Variants in RAD51B observed in about 807,000 individuals in gnomAD.
The protein encoded by RAD51B is RAD51 paralog B.
In RAD51B, 38 loss-of-function variants were observed where a neutral mutation model predicts 42.2. The observed-to-expected ratio is 0.90, with a 90% CI of 0.70 to 1.18. RAD51B has a LOEUF of 1.18. Ranked by LOEUF, RAD51B falls within the 50% of genes most tolerant of loss-of-function variation. The pLI is 0.00. For missense variants in RAD51B, 373 were observed against 400.7 expected, an observed-to-expected ratio of 0.93 and a Z score of 0.59; for synonymous variants, 154 against 145.2, an observed-to-expected ratio of 1.06 and a Z score of -0.43.
In RAD51B at chr14:67,844,626, T is replaced by TA. The variant is rs562175109; in HGVS notation, c.315+9430_315+9431insA. On this transcript the variant is annotated intron_variant, in intron 4 of 10. Coordinates refer to ENST00000471583, the MANE Select transcript of RAD51B (RefSeq NM_133510.4). ...TTATATATATATTATATATATATAT[T>TA]TTTTTTATTATAGTTTAAGTTCTAG... 3.0e-3 allele frequency among the ~76,000 whole-genome samples: 435 copies of TA among 147,454 alleles called. 10 individuals are homozygous for TA. The East Asian group carries it at 0.07, about 24-fold the overall frequency.
chr14:68,471,693 CAAA>C (rs35932002), intron 10 of RAD51B, among the ~76,000 whole-genome samples: 2 of 130,592 alleles, frequency 1.5e-5, no homozygotes, highest in Non-Finnish European at 3.3e-5. Flanking sequence ...TCTCCTTTTG[CAAA>C]AAAAAAAAAA....
intron 7 of RAD51B, among the ~76,000 whole-genome samples, chr14:68,200,897 A>T (rs576933617): frequency 6.6e-6 from 1 of 152,114 alleles, no homozygotes; most frequent in Non-Finnish European, 1.5e-5. Context: ...GACTCGAGCA[A>T]TCCTCCCGCC....
intron 7 of RAD51B, among the ~76,000 whole-genome samples, chr14:67,989,757 G>A (rs1287873790): frequency 6.6e-6 from 1 of 151,952 alleles, no homozygotes; most frequent in Non-Finnish European, 1.5e-5. Flanking sequence ...ACTTTCATTC[G>A]GAATTTCCTT....
chr14:68,011,355 C>T (rs1335056934), intron 7 of RAD51B, among the ~76,000 whole-genome samples: 1 of 152,036 alleles, frequency 6.6e-6, no homozygotes, highest in Non-Finnish European at 1.5e-5. Flanking sequence ...TCCTCACTCC[C>T]ATATCCATTC....
intron 7 of RAD51B, among the ~76,000 whole-genome samples, chr14:68,276,027 C>T (rs2081217552): frequency 6.6e-6 from 1 of 152,134 alleles, no homozygotes; most frequent in Non-Finnish European, 1.5e-5. Flanking sequence ...TCCAGTGTCT[C>T]CCAGCTGGGA....
chr14:68,150,502 A>G (rs1324056508), intron 7 of RAD51B, among the ~76,000 whole-genome samples: 1 of 152,178 alleles, frequency 6.6e-6, no homozygotes, highest in East Asian at 1.9e-4. Context: ...TGAAAGTTTT[A>G]TAATTTTCTT....
intron 10 of RAD51B, among the ~76,000 whole-genome samples, chr14:68,617,779 C>T (rs796886234): frequency 1.8e-4 from 27 of 152,202 alleles, no homozygotes; most frequent in African/African-American, 5.1e-4. Flanking sequence ...TATCTGAAGC[C>T]GTCAGTACAT....
intron 5 of RAD51B, among the ~76,000 whole-genome samples, chr14:67,881,649 T>G (rs1251786300): frequency 6.6e-6 from 1 of 152,242 alleles, no homozygotes; most frequent in Non-Finnish European, 1.5e-5. Context: ...TGGAGCAAAC[T>G]GAGGTGATTG....
intron 9 of RAD51B, among the ~76,000 whole-genome samples, chr14:68,457,026 C>T (rs2085712443): frequency 6.6e-6 from 1 of 151,226 alleles, no homozygotes; most frequent in Non-Finnish European, 1.5e-5. Flanking sequence ...AATTCTTGTG[C>T]CTCAGCCACC....
chr14:68,072,158 T>A (rs57069083), intron 7 of RAD51B, among the ~76,000 whole-genome samples: 28,294 of 127,990 alleles, frequency 0.22, 4,622 homozygotes, highest in African/African-American at 0.46. Flanking sequence ...TTATATATAT[T>A]TTTTTCTAGG....
intron 7 of RAD51B, among the ~76,000 whole-genome samples, chr14:68,052,249 C>T (rs1285729925): frequency 4.6e-5 from 7 of 152,166 alleles, no homozygotes. Flanking sequence ...TGAGTAACAC[C>T]ATCAAAGTGT....
At chr14:68,182,131 T>C (rs1371104053) in intron 7 of RAD51B, among the ~76,000 whole-genome samples, 1 of 152,174 alleles carries the variant, frequency 6.6e-6, no homozygotes, top group East Asian at 1.9e-4. Flanking sequence ...TGGAATCTCC[T>C]CCTCCCTTAC....
At chr14:68,018,988 T>C (rs1227832637) in intron 7 of RAD51B, among the ~76,000 whole-genome samples, 1 of 152,122 alleles carries the variant, frequency 6.6e-6, no homozygotes, top group Non-Finnish European at 1.5e-5. Flanking sequence ...GGATTAGAGA[T>C]AAAATATGTA....
intron 7 of RAD51B, among the ~76,000 whole-genome samples, chr14:68,010,391 A>G (rs2075664235): frequency 6.6e-6 from 1 of 151,914 alleles, no homozygotes; most frequent in South Asian, 2.1e-4. Flanking sequence ...ATAGAAATTC[A>G]GATAAAAAGA....
chr14:68,402,269 G>T (rs900535016), intron 8 of RAD51B, among the ~76,000 whole-genome samples: 1 of 151,956 alleles, frequency 6.6e-6, no homozygotes, highest in Admixed American at 6.6e-5. Flanking sequence ...CATCCTCTTC[G>T]CCTTTTGTTG....
chr14:67,937,679 T>C (rs1302175851), intron 7 of RAD51B, among the ~76,000 whole-genome samples: 2 of 152,142 alleles, frequency 1.3e-5, no homozygotes, highest in Admixed American at 6.5e-5. Flanking sequence ...TTGATGAACA[T>C]AGAGTAACAC....
At chr14:68,140,702 C>G (rs977069136) in intron 7 of RAD51B, among the ~76,000 whole-genome samples, 1 of 152,168 alleles carries the variant, frequency 6.6e-6, no homozygotes, top group African/African-American at 2.4e-5. Context: ...TCTTCATACC[C>G]CCTGCCATGC....
intron 7 of RAD51B, among the ~76,000 whole-genome samples, chr14:68,008,779 C>G (rs943319821): frequency 3.9e-5 from 6 of 151,932 alleles, no homozygotes; most frequent in African/African-American, 1.4e-4. Context: ...GAAGAAAATA[C>G]TTGGGCAAAT....
chr14:68,062,345 C>T (rs114990967), intron 7 of RAD51B, among the ~76,000 whole-genome samples: 2,342 of 152,232 alleles, frequency 0.015, 62 homozygotes, highest in African/African-American at 0.053. Context: ...GACTATTGGC[C>T]TGTAGTTTTC....
Sources: allele counts gnomAD v4.1 joint callset (sites outside exome capture counted in the v4.1 genomes callset), GRCh38; gene constraint gnomAD v4.1.1; transcripts MANE v1.5; gene names NCBI Gene and HGNC (gene_info 2026-07-23, HGNC 2026-07-21).